Variants in CLEC18B observed in about 807,000 individuals in gnomAD.
CLEC18B encodes mannose receptor-like 2.
CLEC18B carries 5 observed loss-of-function variants against 60.4 expected under a neutral mutation model. That is an observed-to-expected ratio of 0.08 (90% CI 0.04 to 0.17). CLEC18B has a LOEUF of 0.17. CLEC18B is among the 10% of genes least tolerant of loss of function. The pLI is 1.00. For synonymous variants in CLEC18B, 16 were observed against 221.2 expected (o/e 0.07, Z 8.23); for missense variants, 26 against 572.8 (o/e 0.05, Z 9.74).
chr16:74,409,670 G>C (rs1391614934), intron 10 of CLEC18B, 29 bp from the exon 11 acceptor site: 1 of 1,613,968 alleles, frequency 6.2e-7, no homozygotes, highest in African/African-American at 1.3e-5. Context: ...TGGTCAGGAG[G>C]CAAGAGTGAA....
chr16:74,413,581 G>A lies in CLEC18B; in HGVS notation c.552C>T (p.Pro184=), dbSNP rs149591176. 348 of 1,613,614 alleles carry A rather than the reference G, an allele frequency of 2.2e-4. No individual in the cohort carries two copies. The highest frequency in any genetic ancestry group is 1.6e-3 in the African/African-American group (123 of 75,018). Residue 184 remains proline, a splice_region_variant and synonymous_variant, in exon 4 of 12, where the codon CCC becomes CCT. Coordinates refer to ENST00000682950, the MANE Select transcript of CLEC18B (RefSeq NM_001385193.1). ...GCAGAAGGTGTAGCAGGGCTTACCC[G>A]GGGGAGTAGGCACAGACAAAGGCTT... ...AIEAFVCAYS[P]GGNWEVNGKT...
chr16:74,418,532 T>G lies in CLEC18B; in HGVS notation c.217-234A>C, dbSNP rs375762483. ...CCATCTCCAAATCCTGTCGTGGGCA[T>G]CCTTCGGCCCTGCCCAGGCAGTGGG... On this transcript the variant is annotated intron_variant, in intron 2 of 11. Transcript: ENST00000682950. Among the ~76,000 whole-genome samples the G allele has an allele frequency of 2.5e-4, 36 of 146,930 alleles. No individual in the cohort carries two copies. In the East Asian group the frequency reaches 5.5e-3, roughly 22 times the overall value.
In CLEC18B at chr16:74,413,639, C is replaced by T. The variant is rs58016779; in HGVS notation, c.494G>A (p.Arg165Gln). ...TGTCTGGCCTGCAGAGCACAGGTGC[C>T]GCCCACAGCCCAGCTGGCTTGAGGT... ...WATSSQLGCG[R>Q]HLCSAGQTAI... Residue 165 changes from arginine (R) to glutamine (Q), a missense_variant, in exon 4 of 12, where the codon CGG becomes CAG. Physicochemically the swap from Arg to Gln is conservative, Grantham distance 43. Coordinates refer to ENST00000682950, the MANE Select transcript of CLEC18B (RefSeq NM_001385193.1). 1.6e-4 allele frequency: 263 copies of T among 1,613,828 alleles called. No homozygotes were observed. In the African/African-American group the frequency reaches 1.9e-3, roughly 12 times the overall value.
rs148144594 is a variant in CLEC18B, at chr16:74,421,242, C to G, written c.29G>C (p.Arg10Pro). ...CAGGAGCACAGCCAGGAGATGCCCC[C>G]GGCCAGGGGAGGTCTCTGGATGCAG... The part of the protein sequence containing the change: MLHPETSPG[R>P]GHLLAVLLAL... Residue 10 changes from arginine (R) to proline (P), a missense_variant, in exon 1 of 12, where the codon CGG becomes CCG. Physicochemically the swap from Arg to Pro is moderately radical, Grantham distance 103 (BLOSUM62 -2). Transcript: ENST00000682950. 6.2e-7 allele frequency: 1 copy of G among 1,609,304 alleles called. No individual in the cohort carries two copies. The highest frequency in any genetic ancestry group is 8.5e-7 in the Non-Finnish European group (1 of 1,179,344).
At chr16:74,423,178 T>TAAA (rs1716912065), upstream of CLEC18B, among the ~76,000 whole-genome samples, 1 of 144,960 alleles carries the variant, frequency 6.9e-6, no homozygotes, top group African/African-American at 2.6e-5. Flanking sequence ...TTCCCAACGC[T>TAAA]TTAATTCACA....
chr16:74,419,801 G>C (rs1326485766), intron 2 of CLEC18B, among the ~76,000 whole-genome samples: 3 of 151,848 alleles, frequency 2.0e-5, no homozygotes, highest in Non-Finnish European at 4.4e-5. Flanking sequence ...GGAGTTCATG[G>C]GAAGCAGCCA....
At chr16:74,419,612 C>CG (rs1441946916) in intron 2 of CLEC18B, among the ~76,000 whole-genome samples, 2 of 147,260 alleles carry the variant, frequency 1.4e-5, no homozygotes, top group Non-Finnish European at 3.0e-5. Flanking sequence ...TACCCAACCA[C>CG]GGAGGTCACA....
At chr16:74,417,903 G>T (rs1597185299) in intron 3 of CLEC18B, among the ~76,000 whole-genome samples, 156 bp downstream of exon 3, 1 of 151,082 alleles carries the variant, frequency 6.6e-6, no homozygotes, top group Admixed American at 6.7e-5. Context: ...GCGCAACACA[G>T]CAAGACTCCG....
chr16:74,419,077 G>A (rs1178904889), intron 2 of CLEC18B, among the ~76,000 whole-genome samples: 2 of 152,162 alleles, frequency 1.3e-5, no homozygotes, highest in Non-Finnish European at 2.9e-5. Flanking sequence ...TTACAGGTGT[G>A]AGCCACCGTG....
chr16:74,413,881 T>TTTATTTATTTAC (rs879485527), intron 3 of CLEC18B, among the ~76,000 whole-genome samples: 26 of 152,216 alleles, frequency 1.7e-4, no homozygotes, highest in African/African-American at 5.8e-4. Flanking sequence ...TATTTATTTA[T>TTTATTTATTTAC]TTATTTTTGA....
intron 2 of CLEC18B, among the ~76,000 whole-genome samples, chr16:74,418,930 A>G (rs917552462): frequency 6.6e-6 from 1 of 152,094 alleles, no homozygotes; most frequent in Non-Finnish European, 1.5e-5. Flanking sequence ...AGCAGCTGGG[A>G]TTACAGCCAT....
At chr16:74,418,751 C>G (rs1445068211) in intron 2 of CLEC18B, among the ~76,000 whole-genome samples, 3 of 152,202 alleles carry the variant, frequency 2.0e-5, no homozygotes, top group Non-Finnish European at 4.4e-5. Flanking sequence ...AGGAGCCTGG[C>G]CTCATATGCT....
At chr16:74,416,242 G>C (rs550007491) in intron 3 of CLEC18B, among the ~76,000 whole-genome samples, 3 of 141,362 alleles carry the variant, frequency 2.1e-5, no homozygotes, top group African/African-American at 5.0e-5. Context: ...CAGCCTGCGC[G>C]ACAGAGCGAG....
chr16:74,409,848 C>G (rs770906714), intron 10 of CLEC18B: 4 of 1,605,352 alleles, frequency 2.5e-6, no homozygotes, highest in Non-Finnish European at 3.4e-6. Context: ...ACAGCTCTGC[C>G]TACCCCATGG....
intron 10 of CLEC18B, among the ~76,000 whole-genome samples, 196 bp downstream of exon 10, chr16:74,410,340 C>G (rs796354640): frequency 6.6e-6 from 1 of 151,800 alleles, no homozygotes; most frequent in South Asian, 2.1e-4. Flanking sequence ...CCCCACGTGA[C>G]GTGCCTTCCG....
At chr16:74,422,631 T>A (rs1376915947), upstream of CLEC18B, among the ~76,000 whole-genome samples, 1 of 146,368 alleles carries the variant, frequency 6.8e-6, no homozygotes, top group Non-Finnish European at 1.5e-5. Context: ...TCACTGCGTG[T>A]GGGTCCTAGC....
upstream of CLEC18B, among the ~76,000 whole-genome samples, chr16:74,423,513 ATCCTGTCT>A (rs1318323124): frequency 3.3e-5 from 5 of 152,376 alleles, no homozygotes; most frequent in East Asian, 5.8e-4. Flanking sequence ...ACATGGTGAA[ATCCTGTCT>A]CTACTAAAAA....
chr16:74,419,978 C>G (rs2013605258), intron 2 of CLEC18B, among the ~76,000 whole-genome samples: 1 of 152,282 alleles, frequency 6.6e-6, no homozygotes, highest in Admixed American at 6.5e-5. Flanking sequence ...ATACCCCCGA[C>G]CCCTGGCCCC....
chr16:74,423,685 T>C (rs1597192006), upstream of CLEC18B, among the ~76,000 whole-genome samples: 11 of 101,134 alleles, frequency 1.1e-4, no homozygotes, highest in South Asian at 4.2e-4. Flanking sequence ...CGAGACTCTG[T>C]CCCACCCCCG....
Sources: allele counts gnomAD v4.1 joint callset (sites outside exome capture counted in the v4.1 genomes callset), GRCh38; gene constraint gnomAD v4.1.1; transcripts MANE v1.5; gene names NCBI Gene and HGNC (gene_info 2026-07-23, HGNC 2026-07-21).